Variants in LRRC1 observed in about 807,000 individuals in gnomAD.
LRRC1 encodes the protein leucine rich repeat containing 1.
LRRC1 carries 28 observed loss-of-function variants against 69.9 expected under a neutral mutation model. The ratio of observed to expected loss-of-function variants is 0.40; its 90% confidence interval spans 0.30 to 0.55. The LOEUF (loss-of-function observed/expected upper bound fraction) is 0.55. Among genes scored for constraint, LRRC1 ranks in the 20% least tolerant of loss-of-function variants. The probability of loss-of-function intolerance (pLI) is 0.47; values close to 1 mark genes in which losing one functional copy is unlikely to be tolerated. For synonymous variants in LRRC1, 236 were observed against 240.2 expected, an observed-to-expected ratio of 0.98 and a Z score of 0.16; for missense variants, 498 against 609.0, an observed-to-expected ratio of 0.82 and a Z score of 1.92.
At chr6:53,815,421 G>T (rs1373476370) in intron 1 of LRRC1, among the ~76,000 whole-genome samples, 1 of 151,140 alleles carries the variant, frequency 6.6e-6, no homozygotes, top group African/African-American at 2.4e-5. Flanking sequence ...CCTCCTCCTG[G>T]GCCATTATTT....
chr6:53,903,419 G>A (rs1259782246), intron 9 of LRRC1, among the ~76,000 whole-genome samples: 1 of 152,038 alleles, frequency 6.6e-6, no homozygotes, highest in African/African-American at 2.4e-5. Context: ...TGCCCCCTCT[G>A]CTTTTGTCAG....
intron 2 of LRRC1, among the ~76,000 whole-genome samples, chr6:53,856,189 T>G (rs1385577976): frequency 6.6e-6 from 1 of 152,248 alleles, no homozygotes; most frequent in Non-Finnish European, 1.5e-5. Flanking sequence ...TGCTTCATTG[T>G]GATAAGGGAC....
At chr6:53,861,358 C>G (rs560257415) in intron 2 of LRRC1, among the ~76,000 whole-genome samples, 3 of 151,528 alleles carry the variant, frequency 2.0e-5, no homozygotes, top group African/African-American at 7.3e-5. Flanking sequence ...TTGATCTCAG[C>G]CAGAGCTGAG....
intron 2 of LRRC1, among the ~76,000 whole-genome samples, chr6:53,860,926 C>T (rs1766482655): frequency 6.6e-6 from 1 of 152,110 alleles, no homozygotes; most frequent in Admixed American, 6.5e-5. Flanking sequence ...GGAATTAACG[C>T]AGGAACAGAA....
At chr6:53,810,912 G>GCTCC (rs1190601072) in intron 1 of LRRC1, among the ~76,000 whole-genome samples, 12 of 151,960 alleles carry the variant, frequency 7.9e-5, no homozygotes, top group African/African-American at 2.9e-4. Context: ...CAACGTCTCT[G>GCTCC]CTCCCCCAGC....
intron 4 of LRRC1, among the ~76,000 whole-genome samples, chr6:53,895,628 A>G (rs1287388175): frequency 2.0e-5 from 3 of 152,360 alleles, no homozygotes; most frequent in South Asian, 2.1e-4. Context: ...TGTAGGGGCA[A>G]TAGACTGTGT....
At chr6:53,890,496 G>A (rs1254127978) in intron 4 of LRRC1, among the ~76,000 whole-genome samples, 3 of 151,964 alleles carry the variant, frequency 2.0e-5, no homozygotes, top group Non-Finnish European at 2.9e-5. Flanking sequence ...GATCCATGTG[G>A]CCCCCGGTCA....
intron 2 of LRRC1, among the ~76,000 whole-genome samples, chr6:53,873,077 C>G (rs1284410441): frequency 6.6e-6 from 1 of 151,830 alleles, no homozygotes; most frequent in Non-Finnish European, 1.5e-5. Flanking sequence ...TTCTTCTAAC[C>G]CATAAGCACA....
At chr6:53,799,363 G>A (rs1352230814) in intron 1 of LRRC1, among the ~76,000 whole-genome samples, 3 of 152,136 alleles carry the variant, frequency 2.0e-5, no homozygotes, top group Admixed American at 6.5e-5. Flanking sequence ...AGGTCTTCAC[G>A]GCTGGACCTA....
At chr6:53,867,663 A>AT (rs902861505) in intron 2 of LRRC1, among the ~76,000 whole-genome samples, 6 of 151,812 alleles carry the variant, frequency 4.0e-5, no homozygotes, top group Non-Finnish European at 7.4e-5. Context: ...TATTTTTATT[A>AT]TTTTTTTTAA....
At chr6:53,883,855 C>T (rs1357211450) in intron 4 of LRRC1, 1 of 711,648 alleles carries the variant, frequency 1.4e-6, no homozygotes, top group Non-Finnish European at 2.6e-6. Context: ...AGCAGTTGAG[C>T]ACAGTCTGAC....
At chr6:53,843,236 C>T (rs1765842592) in intron 2 of LRRC1, among the ~76,000 whole-genome samples, 1 of 152,086 alleles carries the variant, frequency 6.6e-6, no homozygotes, top group South Asian at 2.1e-4. Flanking sequence ...CTTCTGTTTT[C>T]CTACAAAAAT....
intron 1 of LRRC1, among the ~76,000 whole-genome samples, chr6:53,821,788 G>T (rs1562030299): frequency 6.6e-6 from 1 of 151,892 alleles, no homozygotes; most frequent in Non-Finnish European, 1.5e-5. Context: ...TTTCAGCAAC[G>T]CTTTGGACCA....
chr6:53,817,469 A>T (rs1764984367), intron 1 of LRRC1, among the ~76,000 whole-genome samples: 1 of 152,144 alleles, frequency 6.6e-6, no homozygotes, highest in East Asian at 1.9e-4. Flanking sequence ...TATCTTAGTG[A>T]TATTAAAATG....
intron 8 of LRRC1, among the ~76,000 whole-genome samples, chr6:53,900,972 G>T (rs1454072637): frequency 6.6e-6 from 1 of 152,200 alleles, no homozygotes; most frequent in African/African-American, 2.4e-5. Context: ...TCCCTCCGTG[G>T]TATGTGGTCA....
chr6:53,870,724 A>C (rs1032847885), intron 2 of LRRC1, among the ~76,000 whole-genome samples: 6 of 152,168 alleles, frequency 3.9e-5, no homozygotes, highest in Non-Finnish European at 8.8e-5. Context: ...GTGGAATGGA[A>C]CACTAGAACT....
chr6:53,842,834 A>G (rs1288545976), intron 2 of LRRC1, among the ~76,000 whole-genome samples: 1 of 152,156 alleles, frequency 6.6e-6, no homozygotes, highest in East Asian at 1.9e-4. Context: ...GCCCACTTCA[A>G]TTTGTGTGGT....
intron 1 of LRRC1, among the ~76,000 whole-genome samples, chr6:53,799,891 T>G (rs1235304321): frequency 3.3e-5 from 5 of 152,242 alleles, no homozygotes; most frequent in Admixed American, 1.3e-4. Flanking sequence ...TCCTGCCATT[T>G]CTGTTTTCAC....
rs149274907 is a variant in LRRC1, at chr6:53,882,893, A to G, written c.363A>G (p.Pro121=). The G allele has an allele frequency of 2.0e-5, 32 of 1,605,376 alleles. No homozygotes were observed. In the African/African-American group the frequency reaches 3.1e-4, roughly 15 times the overall value. Residue 121 remains proline (P), a synonymous_variant, in exon 4 of 14, where the codon CCA becomes CCG. Coordinates refer to ENST00000370888, the MANE Select transcript of LRRC1 (RefSeq NM_018214.5). ...TTTGTTTGTTTGATTTTAGGTTGCC[A>G]GAAAGCTTTCCTGAATTACAGAATT... ...DFSGNPLTRL[P]ESFPELQNLT...
Sources: allele counts gnomAD v4.1 joint callset (sites outside exome capture counted in the v4.1 genomes callset), GRCh38; gene constraint gnomAD v4.1.1; transcripts MANE v1.5; gene names NCBI Gene and HGNC (gene_info 2026-07-23, HGNC 2026-07-21).